Variants in SLC15A5 observed in about 807,000 individuals in gnomAD.
SLC15A5 encodes the protein Peptide/histidine transporter ENSP00000340402.
In SLC15A5, 58 loss-of-function variants were observed where a neutral mutation model predicts 56.1. The observed-to-expected ratio is 1.03, with a 90% CI of 0.84 to 1.29. SLC15A5 has a LOEUF of 1.29. SLC15A5 is among the 50% of genes most tolerant of loss of function. The pLI is 0.00. For synonymous variants in SLC15A5, 264 were observed against 250.5 expected, an observed-to-expected ratio of 1.05 and a Z score of -0.51; for missense variants, 681 against 672.1, an observed-to-expected ratio of 1.01 and a Z score of -0.15.
At position 16,258,990 on chromosome 12, in the gene SLC15A5, C is replaced by CTTT. The variant is rs35905307; in HGVS notation, c.585-1123_585-1121dup. 1.0e-3 allele frequency among the ~76,000 whole-genome samples: 118 copies of CTTT among 118,480 alleles called. 4 individuals are homozygous for CTTT. The highest frequency in any genetic ancestry group is 4.8e-3 in the Middle Eastern group (1 of 210). 77.7% of individuals were successfully genotyped at this position (118,480 alleles called of 152,430 possible). A position where few individuals can be genotyped will look rare whatever the true frequency, so the allele number is the denominator to read the frequency against. ...GGCATGTCTGCCACATCTTCTTTTT[C>CTTT]TTTTTTTTTTTTTCTTTTTCTTTTC... On this transcript the variant is annotated intron_variant, in intron 2 of 8. Transcript: ENST00000344941.
At position 16,277,403 on chromosome 12, in the gene SLC15A5, CAG is replaced by C. The variant is rs1352017515; in HGVS notation, c.281_282del (p.Pro94ArgfsTer8). 5 of 1,536,294 alleles carry C rather than the reference CAG, an allele frequency of 3.3e-6. No individual in the cohort carries two copies. The South Asian group carries it at 3.6e-5, about 11-fold the overall frequency. On this transcript the variant is annotated frameshift_variant, in exon 1 of 9. Coordinates refer to ENST00000344941, the MANE Select transcript of SLC15A5 (RefSeq NM_001170798.1). LOFTEE classifies it high-confidence loss of function. ...ACATCAGTGAGCCATCTGACAAACA[CAG>C]GGGTAAGTATTGAAGTTCCAATAAA... is the stretch of plus-strand genomic sequence containing the variant. ...LCFIGTSILT[P>X]VFVRWLTDVY...
At chr12:16,214,742 T>A (rs562427899) in intron 7 of SLC15A5, among the ~76,000 whole-genome samples, 125 of 152,188 alleles carry the variant, frequency 8.2e-4, no homozygotes, top group Non-Finnish European at 1.5e-3. Context: ...TGTATTCTTC[T>A]GCCATAATAA....
intron 5 of SLC15A5, among the ~76,000 whole-genome samples, chr12:16,227,070 C>T (rs888533629): frequency 1.3e-5 from 2 of 152,016 alleles, no homozygotes; most frequent in African/African-American, 4.8e-5. Flanking sequence ...ATAAAGACTG[C>T]TCTTTCCAGG....
chr12:16,255,820 T>C (rs1196345023), intron 3 of SLC15A5, among the ~76,000 whole-genome samples: 1 of 152,140 alleles, frequency 6.6e-6, no homozygotes, highest in Non-Finnish European at 1.5e-5. Context: ...AAGTGTGAAT[T>C]ATATGTTACT....
intron 7 of SLC15A5, among the ~76,000 whole-genome samples, chr12:16,205,321 A>G (rs1017786706): frequency 3.3e-5 from 5 of 151,768 alleles, no homozygotes; most frequent in African/African-American, 9.7e-5. Flanking sequence ...CACATAATTG[A>G]TGCAGTCTTT....
chr12:16,244,348 C>T (rs61915931), intron 4 of SLC15A5, among the ~76,000 whole-genome samples: 6,602 of 152,216 alleles, frequency 0.043, 171 homozygotes, highest in African/African-American at 0.062. Flanking sequence ...TACTGACAGA[C>T]ATTTATAGCT....
At chr12:16,239,950 T>C (rs2136258051) in intron 4 of SLC15A5, 83 bp from the exon 5 acceptor site, 1 of 1,220,564 alleles carries the variant, frequency 8.2e-7, no homozygotes, top group East Asian at 2.6e-5. Flanking sequence ...GCCTACCCTC[T>C]TGCACGTACT....
intron 7 of SLC15A5, 43 bp downstream of exon 7, chr12:16,216,850 C>A: frequency 6.7e-7 from 1 of 1,492,078 alleles, no homozygotes; most frequent in Non-Finnish European, 8.9e-7. Context: ...ATTCCCTAGT[C>A]ATCAACTCAA....
At position 16,237,183 on chromosome 12, in the gene SLC15A5, A is replaced by T. The variant is rs536326826; in HGVS notation, c.1162+2498T>A. On this transcript the variant is annotated intron_variant, in intron 5 of 8. Coordinates refer to ENST00000344941, the MANE Select transcript of SLC15A5 (RefSeq NM_001170798.1). This position sits in a 1 kb window ranked among gnomAD's most constrained non-coding sequence, Gnocchi z 4.1. ...ATTCAGTTATGTAAATTAGTATCAA[A>T]AAGTACCCCAGGTTGGTACTTTTAT... is the stretch of plus-strand genomic sequence containing the variant. 1.1e-4 allele frequency among the ~76,000 whole-genome samples: 17 copies of T among 152,344 alleles called. No individual in the cohort carries two copies. The East Asian group carries it at 3.3e-3, about 29-fold the overall frequency.
intron 1 of SLC15A5, among the ~76,000 whole-genome samples, chr12:16,273,175 C>T (rs760481615): frequency 1.3e-5 from 2 of 152,026 alleles, no homozygotes; most frequent in African/African-American, 2.4e-5. Flanking sequence ...CTTAATCAAT[C>T]GAGTGACAGA....
chr12:16,227,386 G>A (rs1864252804), intron 5 of SLC15A5, among the ~76,000 whole-genome samples: 1 of 152,168 alleles, frequency 6.6e-6, no homozygotes, highest in African/African-American at 2.4e-5. Flanking sequence ...CCTGCTATAT[G>A]CAAGATAGTA....
chr12:16,203,735 A>G (rs7303867), intron 7 of SLC15A5, among the ~76,000 whole-genome samples: 79,716 of 151,966 alleles, frequency 0.52, 21,339 homozygotes, highest in South Asian at 0.73. Flanking sequence ...GATGCAAAGC[A>G]TAGGAGTAAA....
At chr12:16,249,183 T>C (rs1864495863) in intron 3 of SLC15A5, among the ~76,000 whole-genome samples, 1 of 152,020 alleles carries the variant, frequency 6.6e-6, no homozygotes, top group Non-Finnish European at 1.5e-5. Context: ...ATTATAGCAG[T>C]GGGAAGAAAT....
intron 8 of SLC15A5, among the ~76,000 whole-genome samples, chr12:16,192,431 T>A (rs923400610): frequency 1.3e-5 from 2 of 152,028 alleles, no homozygotes; most frequent in South Asian, 4.1e-4. Flanking sequence ...CTCTGGTGTG[T>A]TGTATATTTT....
chr12:16,272,807 G>C, intron 1 of SLC15A5, 24 bp from the exon 2 acceptor site: 1 of 1,520,752 alleles, frequency 6.6e-7, no homozygotes, highest in African/African-American at 1.4e-5. Context: ...AAAAAAAAGA[G>C]TAAATGTAGC....
intron 5 of SLC15A5, among the ~76,000 whole-genome samples, chr12:16,229,391 G>T (rs1172044162): frequency 6.6e-6 from 1 of 151,928 alleles, no homozygotes; most frequent in African/African-American, 2.4e-5. Flanking sequence ...TCTTCACTCT[G>T]TCTGAAACCA....
intron 2 of SLC15A5, among the ~76,000 whole-genome samples, chr12:16,270,250 T>C (rs1864736872): frequency 6.6e-6 from 1 of 152,156 alleles, no homozygotes; most frequent in South Asian, 2.1e-4. Flanking sequence ...TTAGGTGGTA[T>C]AGAAGCAATG....
In SLC15A5 at chr12:16,239,684, T is replaced by C; in HGVS notation, c.1159A>G (p.Ile387Val). The C allele has an allele frequency of 6.5e-7, 1 of 1,536,154 alleles. No individual in the cohort carries two copies. The highest frequency in any genetic ancestry group is 2.4e-5 in the East Asian group (1 of 40,914). Residue 387 changes from isoleucine (I) to valine (V), a missense_variant, in exon 5 of 9, where the codon ATC (isoleucine) becomes GTC (valine). Transcript: ENST00000344941. ...KRVGSFLSTC[I>V]IAGNLFAALS... ...GAAATGGTTAAATTGTACTTACTGA[T>C]GCATGTTGACAGAAATGATCCAACT...
chr12:16,215,223 A>C (rs998225470), intron 7 of SLC15A5, among the ~76,000 whole-genome samples: 10 of 146,330 alleles, frequency 6.8e-5, no homozygotes, highest in South Asian at 2.3e-4. Flanking sequence ...AAAAAAAAAA[A>C]AAAAAACCAA....
Sources: gnomAD v4.1 joint callset for allele counts (sites outside exome capture counted in the v4.1 genomes callset) on GRCh38, gnomAD v4.1.1 for gene constraint, Gnocchi (gnomAD v3.1) non-coding constraint, MANE v1.5 for transcripts, NCBI Gene and HGNC (gene_info 2026-07-23, HGNC 2026-07-21) for gene names.